OCLN: variants seen among roughly 807,000 people sequenced by gnomAD.
The protein encoded by OCLN is occludin.
In OCLN, 21 loss-of-function variants were observed where a neutral mutation model predicts 47.9. The observed-to-expected ratio is 0.44, with a 90% CI of 0.31 to 0.63. The LOEUF (loss-of-function observed/expected upper bound fraction) is 0.63, where lower values mean the gene tolerates loss of function less well. Ranked by LOEUF, OCLN falls within the 30% of genes least tolerant of loss-of-function variation. The pLI, the probability that OCLN is intolerant of heterozygous loss-of-function variation, is 0.08. For missense variants in OCLN, 360 were observed against 571.0 expected (o/e 0.63, Z 3.77); for synonymous variants, 117 against 198.4 (o/e 0.59, Z 3.45).
chr5:69,537,070 G>A (rs1445793841), intron 5 of OCLN, among the ~76,000 whole-genome samples: 1 of 150,476 alleles, frequency 6.6e-6, no homozygotes, highest in East Asian at 2.0e-4. Flanking sequence ...TGAGGTGGGA[G>A]GGATCATACT....
Position 69,493,755 on chromosome 5 carries a change from C to T in OCLN, c.-69+855C>T, listed in dbSNP as rs1388457265. Among the ~76,000 whole-genome samples the T allele has an allele frequency of 1.3e-5, 2 of 152,140 alleles. No homozygotes were observed. Among genetic ancestry groups the T allele is most frequent in the Non-Finnish European group, 2.9e-5 (2 of 68,016 alleles). ...CCGGGCCACGGAGTTTGGGGACCTC[C>T]GGGACTGGGCCGGCCCCGCGCGCCA... On this transcript the variant is annotated intron_variant, in intron 1 of 8. Coordinates refer to ENST00000396442, the MANE Select transcript of OCLN (RefSeq NM_001205254.2). The surrounding 1 kb of genome is among the most constrained non-coding windows in gnomAD (Gnocchi z 5.3).
chr5:69,498,490 G>GCTTTGAGAGACTTGC (rs1768365600), intron 1 of OCLN, among the ~76,000 whole-genome samples: 2 of 149,706 alleles, frequency 1.3e-5, no homozygotes, highest in Non-Finnish European at 3.0e-5. Context: ...CAAGACTCCT[G>GCTTTGAGAGACTTGC]TCTCAAAAAA....
Position 69,509,835 on chromosome 5 carries a change from T to G in OCLN, c.729+16T>G. The G allele has an allele frequency of 6.2e-7, 1 of 1,608,596 alleles. No individual in the cohort carries two copies. Among genetic ancestry groups the G allele is most frequent in the East Asian group, 2.2e-5 (1 of 44,860 alleles). ...TCCCCAGGAGGTATGAGTGGTGTTT[T>G]GGGTTTTTTCTCCATCTCCTTAGCA... On this transcript the variant is annotated intron_variant, in intron 3 of 8. Coordinates refer to ENST00000396442, the MANE Select transcript of OCLN (RefSeq NM_001205254.2).
chr5:69,508,441 A>C lies in OCLN; in HGVS notation c.51-700A>C, dbSNP rs866622259. 2.6e-5 allele frequency among the ~76,000 whole-genome samples: 4 copies of C among 151,860 alleles called. No homozygotes were observed. In the South Asian group the frequency reaches 6.2e-4, roughly 24 times the overall value. The stretch of plus-strand genomic sequence containing the variant: ...CTGCAACCTCCACCTCCCGGGTTCA[A>C]GCAATTCTCGTGCCTCAGCCTCCTG... On this transcript the variant is annotated intron_variant, in intron 2 of 8. Coordinates refer to ENST00000396442, the MANE Select transcript of OCLN (RefSeq NM_001205254.2).
chr5:69,520,914 C>A (rs1769119925), intron 4 of OCLN, among the ~76,000 whole-genome samples: 2 of 152,164 alleles, frequency 1.3e-5, no homozygotes, highest in Admixed American at 1.3e-4. Flanking sequence ...ATGGCGCAAT[C>A]TCAGCTCACT....
At chr5:69,525,673 G>C (rs1285126167) in intron 4 of OCLN, among the ~76,000 whole-genome samples, 1 of 152,030 alleles carries the variant, frequency 6.6e-6, no homozygotes, top group Non-Finnish European at 1.5e-5. Flanking sequence ...AGTTTTTATG[G>C]GGTAAAGGTC....
intron 1 of OCLN, among the ~76,000 whole-genome samples, chr5:69,497,220 C>A (rs1440529455): frequency 7.5e-6 from 1 of 132,514 alleles, no homozygotes; most frequent in East Asian, 2.2e-4. Context: ...GAGATGAAAT[C>A]AGCCTGTGGT....
intron 5 of OCLN, among the ~76,000 whole-genome samples, chr5:69,537,414 G>T (rs1226333211): frequency 1.9e-3 from 35 of 18,576 alleles, no homozygotes; most frequent in African/African-American, 6.6e-3. Flanking sequence ...TTTTTGTAGA[G>T]ACAGGGTCTT....
rs900747525 is a variant in OCLN at position 69,493,206 on chromosome 5, T to C, written c.-69+306T>C. Among the ~76,000 whole-genome samples the C allele has an allele frequency of 1.3e-5, 2 of 152,056 alleles. No individual in the cohort carries two copies. The highest frequency in any genetic ancestry group is 2.9e-5 in the Non-Finnish European group (2 of 67,998). ...AGCGGCGCGGGCAACTTTTCACTTT[T>C]ATGGGGCACGACATTCCTGAACAGC... On this transcript the variant is annotated intron_variant, in intron 1 of 8. Coordinates refer to ENST00000396442, the MANE Select transcript of OCLN (RefSeq NM_001205254.2). This position sits in a 1 kb window ranked among gnomAD's most constrained non-coding sequence, Gnocchi z 5.3.
intron 1 of OCLN, among the ~76,000 whole-genome samples, chr5:69,498,004 C>T (rs964903990): frequency 3.3e-5 from 5 of 150,758 alleles, no homozygotes; most frequent in South Asian, 2.1e-4. Flanking sequence ...TAGTGGCGGG[C>T]GCCTGTAGTC....
chr5:69,494,417 C>A, intron 1 of OCLN, among the ~76,000 whole-genome samples: 1 of 152,210 alleles, frequency 6.6e-6, no homozygotes, highest in East Asian at 1.9e-4. Flanking sequence ...AACTCCTGAC[C>A]TCAGGTGATT....
chr5:69,523,616 A>G (rs1434998587), intron 4 of OCLN, among the ~76,000 whole-genome samples: 2 of 150,704 alleles, frequency 1.3e-5, no homozygotes, highest in African/African-American at 4.9e-5. Flanking sequence ...GCTCACTGCA[A>G]CCTCCACCTC....
At chr5:69,532,197 C>T (rs1343563375) in intron 4 of OCLN, among the ~76,000 whole-genome samples, 1 of 151,554 alleles carries the variant, frequency 6.6e-6, no homozygotes, top group Non-Finnish European at 1.5e-5. Context: ...TTGTGGTTGG[C>T]AGACCTGGGG....
At position 69,517,195 on chromosome 5, in the gene OCLN, A is replaced by G. The variant is rs116323913; in HGVS notation, c.891+3086A>G. ...CAGATTGATTTATTGTCATGAAGGT[A>G]TGGCCACAGGTTCCCAGGAAGGTTT... On this transcript the variant is annotated intron_variant, in intron 4 of 8. Transcript: ENST00000396442. 6.9e-3 allele frequency among the ~76,000 whole-genome samples: 1,052 copies of G among 152,144 alleles called. 14 individuals are homozygous for G. The highest frequency in any genetic ancestry group is 0.024 in the African/African-American group (999 of 41,502).
At chr5:69,507,365 C>G (rs1336268321) in intron 2 of OCLN, among the ~76,000 whole-genome samples, 1 of 152,160 alleles carries the variant, frequency 6.6e-6, no homozygotes, top group Non-Finnish European at 1.5e-5. Flanking sequence ...AAATTCCTGA[C>G]CTCAGGTGAC....
chr5:69,508,907 A>G (rs1227986299), intron 2 of OCLN, among the ~76,000 whole-genome samples: 2 of 152,220 alleles, frequency 1.3e-5, no homozygotes, highest in Admixed American at 6.5e-5. Context: ...AAGGATGTTT[A>G]TAGTTAAACT....
At chr5:69,514,224 G>C in intron 4 of OCLN, 115 bp downstream of exon 4, 2 of 954,210 alleles carry the variant, frequency 2.1e-6, no homozygotes, top group South Asian at 1.4e-5. Flanking sequence ...TGTTGCAAAG[G>C]TTGTTGCATT....
intron 4 of OCLN, among the ~76,000 whole-genome samples, chr5:69,520,022 G>T (rs1164211102): frequency 2.0e-5 from 3 of 151,802 alleles, no homozygotes; most frequent in Admixed American, 6.6e-5. Flanking sequence ...GCGATGGCAC[G>T]ATCTCAGCTC....
rs1325520008 is a variant in OCLN, at chr5:69,509,179, G to A, written c.89G>A (p.Gly30Asp). The change falls in exon 3 of 9, where the codon GGT becomes GAT. Residue 30 changes from glycine (G) to aspartate (D), a missense_variant. Gly to Asp is a moderately conservative substitution (Grantham distance 94). Around this residue, in one of 3 missense-constraint regions of OCLN, gnomAD observed 314 missense variants for 368.1 expected, o/e 0.85. Coordinates refer to ENST00000396442, the MANE Select transcript of OCLN (RefSeq NM_001205254.2). ...NHYAPSNDIY[G>D]GEMHVRPMLS... ...TATGCACCAAGCAATGACATATATG[G>A]TGGAGAGATGCATGTTCGACCAATG... is the stretch of plus-strand genomic sequence containing the variant. 1.2e-5 allele frequency: 20 copies of A among 1,614,100 alleles called. No individual in the cohort carries two copies. Among genetic ancestry groups the A allele is most frequent in the Non-Finnish European group, 1.7e-5 (20 of 1,180,004 alleles).
Sources: gnomAD v4.1 joint callset for allele counts (sites outside exome capture counted in the v4.1 genomes callset) on GRCh38, gnomAD v4.1.1 for gene constraint, gnomAD v4.1.1 regional missense constraint, Gnocchi (gnomAD v3.1) non-coding constraint, MANE v1.5 for transcripts, NCBI Gene and HGNC (gene_info 2026-07-23, HGNC 2026-07-21) for gene names.